MYO1D: variants seen among roughly 807,000 people sequenced by gnomAD.
MYO1D encodes the protein unconventional myosin-Id.
MYO1D carries 83 observed loss-of-function variants against 122.0 expected under a neutral mutation model. The observed-to-expected ratio is 0.68, with a 90% CI of 0.57 to 0.82. MYO1D has a LOEUF of 0.82. Ranked by LOEUF, MYO1D falls within the 40% of genes least tolerant of loss-of-function variation. The pLI is 0.00. For missense variants in MYO1D, 1,157 were observed against 1,269.5 expected (o/e 0.91, Z 1.35); for synonymous variants, 464 against 446.9 (o/e 1.04, Z -0.48).
chr17:32,790,578 C>A (rs1298541182), intron 1 of MYO1D, among the ~76,000 whole-genome samples: 1 of 152,202 alleles, frequency 6.6e-6, no homozygotes, highest in Non-Finnish European at 1.5e-5. Context: ...ACGATCTTCT[C>A]TTTATGTGGA....
intron 7 of MYO1D, 28 bp from the exon 8 acceptor site, chr17:32,765,109 A>C (rs1335471509): frequency 4.6e-6 from 7 of 1,522,162 alleles, no homozygotes; most frequent in Non-Finnish European, 6.4e-6. Flanking sequence ...AAAATAACAC[A>C]TTATGAAACA....
intron 21 of MYO1D, among the ~76,000 whole-genome samples, chr17:32,601,713 AG>A (rs2087564771): frequency 6.6e-6 from 1 of 152,232 alleles, no homozygotes; most frequent in Admixed American, 6.5e-5. Flanking sequence ...CATATGCTGT[AG>A]GAAAAATGGT....
intron 21 of MYO1D, among the ~76,000 whole-genome samples, chr17:32,548,351 C>T (rs773021484): frequency 5.3e-5 from 8 of 151,320 alleles, no homozygotes; most frequent in East Asian, 2.0e-4. Context: ...TGGCTTGATC[C>T]GAGGAGAAGG....
chr17:32,727,359 C>T (rs1309845893), intron 14 of MYO1D, among the ~76,000 whole-genome samples: 6 of 152,214 alleles, frequency 3.9e-5, no homozygotes, highest in Admixed American at 3.9e-4. Flanking sequence ...GAAGACATAG[C>T]TTCAAGGGTC....
chr17:32,795,361 T>G (rs563610500), intron 1 of MYO1D, among the ~76,000 whole-genome samples: 1 of 151,562 alleles, frequency 6.6e-6, no homozygotes, highest in African/African-American at 2.4e-5. Flanking sequence ...TTGCCCCATT[T>G]AAAAGTGGAA....
At chr17:32,844,347 A>G (rs999241032) in intron 1 of MYO1D, among the ~76,000 whole-genome samples, 1 of 144,406 alleles carries the variant, frequency 6.9e-6, no homozygotes, top group Non-Finnish European at 1.5e-5. Flanking sequence ...TGTATATATT[A>G]TATGTGTATA....
chr17:32,824,521 CA>C (rs2090704481), intron 1 of MYO1D, among the ~76,000 whole-genome samples: 1 of 152,206 alleles, frequency 6.6e-6, no homozygotes, highest in Non-Finnish European at 1.5e-5. Flanking sequence ...GCACGTCCCC[CA>C]AATACTTTAC....
intron 1 of MYO1D, among the ~76,000 whole-genome samples, chr17:32,854,869 G>C (rs983711066): frequency 1.3e-5 from 2 of 152,180 alleles, no homozygotes; most frequent in African/African-American, 4.8e-5. Context: ...TGAGGGAACT[G>C]GATGAATCTG....
intron 16 of MYO1D, among the ~76,000 whole-genome samples, chr17:32,699,601 C>T (rs978354971): frequency 2.0e-5 from 3 of 152,104 alleles, no homozygotes; most frequent in Admixed American, 6.6e-5. Context: ...AGTATGAAGT[C>T]CTTATCTATA....
intron 13 of MYO1D, among the ~76,000 whole-genome samples, chr17:32,742,894 A>G (rs1212684650): frequency 1.3e-5 from 2 of 152,214 alleles, no homozygotes; most frequent in African/African-American, 2.4e-5. Flanking sequence ...GCTCACATCA[A>G]TGAGATATTT....
chr17:32,685,850 CT>C (rs1215014299), intron 16 of MYO1D, among the ~76,000 whole-genome samples: 2 of 152,244 alleles, frequency 1.3e-5, no homozygotes, highest in African/African-American at 4.8e-5. Flanking sequence ...CAAATATTCA[CT>C]TCTGCCTTCT....
At chr17:32,731,360 T>C (rs530147754) in intron 14 of MYO1D, among the ~76,000 whole-genome samples, 1 of 152,220 alleles carries the variant, frequency 6.6e-6, no homozygotes, top group Non-Finnish European at 1.5e-5. Context: ...AATTACTTAG[T>C]TTTTATTTCT....
intron 1 of MYO1D, among the ~76,000 whole-genome samples, chr17:32,842,575 C>G (rs146675320): frequency 1.5e-3 from 224 of 152,228 alleles, no homozygotes; most frequent in African/African-American, 5.2e-3. Flanking sequence ...AAAATGCCTG[C>G]ATTCTTTCTC....
chr17:32,496,725 T>A (rs1174583744), intron 21 of MYO1D, among the ~76,000 whole-genome samples: 1 of 152,110 alleles, frequency 6.6e-6, no homozygotes, highest in Non-Finnish European at 1.5e-5. Flanking sequence ...GCCTCCCTCC[T>A]GACCCTGGCA....
intron 1 of MYO1D, among the ~76,000 whole-genome samples, chr17:32,815,541 A>C (rs2090606286): frequency 6.6e-6 from 1 of 152,230 alleles, no homozygotes. Context: ...CATAGTTATT[A>C]TGCTTAAGTC....
At chr17:32,621,843 C>T (rs2087858823) in intron 20 of MYO1D, among the ~76,000 whole-genome samples, 2 of 152,154 alleles carry the variant, frequency 1.3e-5, no homozygotes, top group African/African-American at 4.8e-5. Context: ...TAAGAAAAGA[C>T]AGGCCAGAAC....
intron 6 of MYO1D, among the ~76,000 whole-genome samples, chr17:32,769,184 G>A (rs1194294228): frequency 6.6e-6 from 1 of 152,180 alleles, no homozygotes; most frequent in East Asian, 1.9e-4. Flanking sequence ...GGTTCTTGGG[G>A]AGGTTTCCCT....
chr17:32,852,410 A>T (rs553783875), intron 1 of MYO1D, among the ~76,000 whole-genome samples: 2 of 152,256 alleles, frequency 1.3e-5, no homozygotes, highest in South Asian at 4.2e-4. Context: ...TACAGGCATG[A>T]CCACTGTGCC....
At chr17:32,508,315 C>T (rs1012072846) in intron 21 of MYO1D, among the ~76,000 whole-genome samples, 2 of 151,952 alleles carry the variant, frequency 1.3e-5, no homozygotes, top group African/African-American at 4.8e-5. Flanking sequence ...TGCTCTGTCA[C>T]CCAGGCTGGA....
Sources: gnomAD v4.1 joint callset for allele counts (sites outside exome capture counted in the v4.1 genomes callset) on GRCh38, gnomAD v4.1.1 for gene constraint, MANE v1.5 for transcripts, NCBI Gene and HGNC (gene_info 2026-07-23, HGNC 2026-07-21) for gene names.